The following CNGA3 variants were observed in gnomAD, a reference collection of about 807,000 sequenced individuals.
The protein encoded by CNGA3 is cyclic nucleotide gated channel subunit alpha 3.
Under a neutral mutation model 46.6 loss-of-function variants are expected in CNGA3, and 42 were observed. That is an observed-to-expected ratio of 0.90 (90% CI 0.70 to 1.17). The LOEUF is 1.17. Ranked by LOEUF, CNGA3 falls within the 50% of genes most tolerant of loss-of-function variation. CNGA3 has a pLI of 0.00. For missense variants in CNGA3, 893 were observed against 890.7 expected, an observed-to-expected ratio of 1.00 and a Z score of -0.03; for synonymous variants, 394 against 369.4, an observed-to-expected ratio of 1.07 and a Z score of -0.76.
At chr2:98,377,393 C>G (rs898486646) in intron 2 of CNGA3, 2 of 377,892 alleles carry the variant, frequency 5.3e-6, no homozygotes, top group Non-Finnish European at 9.9e-6. Flanking sequence ...CCCGGGACCT[C>G]TCCCCACCCA....
chr2:98,384,664 C>G (rs1692615051), intron 5 of CNGA3, among the ~76,000 whole-genome samples: 1 of 152,198 alleles, frequency 6.6e-6, no homozygotes, highest in African/African-American at 2.4e-5. Flanking sequence ...AAACCTGACA[C>G]TAAACACCCT....
chr2:98,380,462 C>A, intron 4 of CNGA3, 108 bp downstream of exon 4: 1 of 1,345,352 alleles, frequency 7.4e-7, no homozygotes, highest in Non-Finnish European at 1.0e-6. Context: ...CCTGGAACGT[C>A]ATCCCCATGA....
At chr2:98,366,408 C>T (rs1316655212) in intron 1 of CNGA3, among the ~76,000 whole-genome samples, 7 of 152,206 alleles carry the variant, frequency 4.6e-5, no homozygotes, top group Admixed American at 1.3e-4. Context: ...TAACAAAGCA[C>T]TCTGGCTGAC....
intron 6 of CNGA3, 56 bp downstream of exon 6, chr2:98,389,830 C>T: frequency 1.2e-5 from 18 of 1,446,454 alleles, no homozygotes; most frequent in Non-Finnish European, 1.6e-5. Flanking sequence ...GCACCAGGCC[C>T]AGGAGCCAGA....
At position 98,378,123 on chromosome 2, in the gene CNGA3, C is replaced by G. The variant is rs537762298; in HGVS notation, c.215+323C>G. ...GTAAGAGCAGCCAGCCGTGGGAGACCTTTGATTGGGTGGACACAGTGGTGT... is the reference window on the plus strand; with the variant it reads ...GTAAGAGCAGCCAGCCGTGGGAGACGTTTGATTGGGTGGACACAGTGGTGT... On this transcript the variant is annotated intron_variant, in intron 3 of 7. Transcript: ENST00000272602. 2.3e-5 allele frequency: 35 copies of G among 1,550,840 alleles called. No individual in the cohort carries two copies. In the African/African-American group the frequency reaches 2.6e-4, roughly 12 times the overall value.
intron 1 of CNGA3, among the ~76,000 whole-genome samples, chr2:98,362,623 T>C (rs1692060549): frequency 6.7e-6 from 1 of 148,548 alleles, no homozygotes; most frequent in Admixed American, 6.7e-5. Flanking sequence ...CTGATGATAG[T>C]TTCTTTTGCT....
chr2:98,378,126 T>C lies in CNGA3; in HGVS notation c.215+326T>C, dbSNP rs756704275. The C allele has an allele frequency of 1.9e-6, 3 of 1,550,846 alleles. No homozygotes were observed. The South Asian group carries it at 3.6e-5, about 18-fold the overall frequency. ...AGAGCAGCCAGCCGTGGGAGACCTT[T>C]GATTGGGTGGACACAGTGGTGTGCT... On this transcript the variant is annotated intron_variant, in intron 3 of 7. Coordinates refer to ENST00000272602, the MANE Select transcript of CNGA3 (RefSeq NM_001298.3).
intron 3 of CNGA3, among the ~76,000 whole-genome samples, chr2:98,378,779 T>A (rs1692471570): frequency 6.6e-6 from 1 of 152,196 alleles, no homozygotes. Context: ...ACACAAGCTA[T>A]CTCAGGGAAA....
intron 1 of CNGA3, among the ~76,000 whole-genome samples, chr2:98,366,583 G>T (rs1380646338): frequency 1.3e-5 from 2 of 152,246 alleles, no homozygotes; most frequent in African/African-American, 4.8e-5. Context: ...CCCCTGGCTG[G>T]GGTTGCTGAA....
chr2:98,396,611 C>G lies in CNGA3; in HGVS notation c.1441C>G (p.Arg481Gly). The G allele has an allele frequency of 6.2e-7, 1 of 1,614,010 alleles. No individual in the cohort carries two copies. Reference sequence around the variant, plus strand: ...GCACCTGGACACGCTGAAGAAGGTTCGCATCTTCCAGGACTGTGAGGCAGG... The same window carrying G: ...GCACCTGGACACGCTGAAGAAGGTTGGCATCTTCCAGGACTGTGAGGCAGG... ...NVHLDTLKKV[R>G]IFQDCEAGLL... The change falls in exon 8 of 8, where the codon CGC (arginine) becomes GGC (glycine). Residue 481 changes from arginine to glycine, a missense_variant. Around this residue, in one of 3 missense-constraint regions of CNGA3, gnomAD observed 548 missense variants for 570.8 expected, o/e 0.96. Coordinates refer to ENST00000272602, the MANE Select transcript of CNGA3 (RefSeq NM_001298.3).
Position 98,397,891 on chromosome 2 carries a change from C to G in CNGA3, c.*636C>G, listed in dbSNP as rs772941668. On this transcript the variant is annotated 3_prime_UTR_variant, in exon 8 of 8. Transcript: ENST00000272602. ...AAATCTGTGAAGCAAATCCAGACTC[C>G]TTGCCGTTCAGCCACTGTGAAACCA... 4 of 153,838 alleles carry G rather than the reference C, an allele frequency of 2.6e-5. No individual in the cohort carries two copies. Among genetic ancestry groups the G allele is most frequent in the Middle Eastern group, 3.4e-3 (1 of 294 alleles). 9.5% of individuals were successfully genotyped at this position (153,838 alleles called of 1,614,324 possible).
At chr2:98,388,586 G>A (rs926847161) in intron 5 of CNGA3, among the ~76,000 whole-genome samples, 1 of 152,198 alleles carries the variant, frequency 6.6e-6, no homozygotes, top group Non-Finnish European at 1.5e-5. Context: ...ACTCAAGGGG[G>A]GCTTATAAGT....
At chr2:98,360,320 A>T (rs922426630) in intron 1 of CNGA3, among the ~76,000 whole-genome samples, 1 of 152,222 alleles carries the variant, frequency 6.6e-6, no homozygotes, top group Non-Finnish European at 1.5e-5. Context: ...GCCTCCATGC[A>T]ATGGCAGTGG....
chr2:98,346,745 G>GCCTCGGCTCCCACT (rs2106061879), intron 1 of CNGA3, among the ~76,000 whole-genome samples: 1 of 152,222 alleles, frequency 6.6e-6, no homozygotes, highest in African/African-American at 2.4e-5. Flanking sequence ...ATCGGCTACG[G>GCCTCGGCTCCCACT]CCTCGGCTCC....
intron 1 of CNGA3, among the ~76,000 whole-genome samples, chr2:98,369,652 G>T (rs1199528327): frequency 6.6e-6 from 1 of 152,164 alleles, no homozygotes; most frequent in Non-Finnish European, 1.5e-5. Flanking sequence ...ATACCAACTT[G>T]GCCCTTCATT....
intron 5 of CNGA3, among the ~76,000 whole-genome samples, chr2:98,385,421 G>A (rs1692631192): frequency 6.6e-6 from 1 of 152,058 alleles, no homozygotes; most frequent in African/African-American, 2.4e-5. Flanking sequence ...CTGAAAACTT[G>A]GAAAACAAGA....
intron 3 of CNGA3, 185 bp from the exon 4 acceptor site, chr2:98,379,990 G>A (rs1447744330): frequency 3.0e-6 from 2 of 676,592 alleles, no homozygotes; most frequent in Admixed American, 4.5e-5. Context: ...GTCCCCATGG[G>A]GCAGAGATGC....
chr2:98,362,265 T>C (rs6716672), intron 1 of CNGA3, among the ~76,000 whole-genome samples: 61,684 of 147,040 alleles, frequency 0.42, 13,734 homozygotes, highest in Non-Finnish European at 0.51. Flanking sequence ...CTGCAACCTC[T>C]GCCTCCCGGG....
intron 2 of CNGA3, among the ~76,000 whole-genome samples, chr2:98,375,876 G>A (rs760469025): frequency 2.0e-5 from 3 of 152,164 alleles, no homozygotes; most frequent in Admixed American, 1.3e-4. Flanking sequence ...ATGGGATCTC[G>A]GTGAAGTTGC....
Sources: allele counts gnomAD v4.1 joint callset (sites outside exome capture counted in the v4.1 genomes callset), GRCh38; gene constraint gnomAD v4.1.1; regional missense constraint gnomAD v4.1.1; transcripts MANE v1.5; gene names NCBI Gene and HGNC (gene_info 2026-07-23, HGNC 2026-07-21).